Variants in TP63 observed in about 807,000 individuals in gnomAD.
TP63 encodes tumor protein p63.
A neutral mutation model predicts 82.8 loss-of-function variants in TP63; 17 were observed. The observed-to-expected ratio is 0.21, with a 90% confidence interval of 0.14 to 0.31. The LOEUF (loss-of-function observed/expected upper bound fraction) is 0.31, where lower values mean the gene tolerates loss of function less well. Ranked by LOEUF, TP63 falls within the 10% of genes least tolerant of loss-of-function variation. The pLI is 1.00. For missense variants in TP63, 648 were observed against 895.3 expected (o/e 0.72, Z 3.52); for synonymous variants, 330 against 321.7 (o/e 1.03, Z -0.28).
At chr3:189,629,078 T>A (rs1729379018), upstream of TP63, among the ~76,000 whole-genome samples, 2 of 152,136 alleles carry the variant, frequency 1.3e-5, no homozygotes, top group South Asian at 4.1e-4. Context: ...ATAAACCTTT[T>A]AAATTTTTTA....
chr3:189,781,843 A>G (rs12494488), intron 3 of TP63, among the ~76,000 whole-genome samples: 20,434 of 152,222 alleles, frequency 0.13, 1,492 homozygotes, highest in East Asian at 0.32. Flanking sequence ...CATAAGGAGC[A>G]GACATCTGAT....
At chr3:189,712,974 G>C (rs1266811944) in intron 1 of TP63, among the ~76,000 whole-genome samples, 1 of 152,072 alleles carries the variant, frequency 6.6e-6, no homozygotes. Context: ...TTTGGACTTA[G>C]GGGTGCTGGG....
intron 1 of TP63, among the ~76,000 whole-genome samples, chr3:189,720,746 A>AG (rs2108768645): frequency 6.6e-6 from 1 of 151,290 alleles, no homozygotes; most frequent in Admixed American, 6.6e-5. Context: ...GAAAAAAAAA[A>AG]AAAAAAAAAA....
Position 189,869,316 on chromosome 3 carries a change from T to TCCA in TP63, c.1130-4_1130-2dup. On this transcript the variant is annotated splice_polypyrimidine_tract_variant and splice_region_variant and intron_variant, in intron 8 of 13. Transcript: ENST00000264731. Reference sequence around the variant, plus strand: ...CCCAGGATGAAACTTGCATTTTTCCTCCACCAGCGTTTCGTCAGAACACAC... The same window carrying TCCA: ...CCCAGGATGAAACTTGCATTTTTCCTCCACCACCAGCGTTTCGTCAGAACACAC... 1 of 1,613,968 alleles carries TCCA rather than the reference T, an allele frequency of 6.2e-7. No homozygotes were observed.
intron 1 of TP63, among the ~76,000 whole-genome samples, chr3:189,718,649 G>A (rs934754840): frequency 4.6e-5 from 7 of 151,576 alleles, no homozygotes; most frequent in African/African-American, 1.7e-4. Context: ...AGCAGGCTAA[G>A]TGTAAAGACC....
chr3:189,656,869 A>G (rs1029394129), intron 1 of TP63, among the ~76,000 whole-genome samples: 5 of 152,132 alleles, frequency 3.3e-5, no homozygotes, highest in African/African-American at 7.2e-5. Context: ...GGGAAAATAG[A>G]CAACTTTATT....
chr3:189,708,169 C>G (rs73892324), intron 1 of TP63, among the ~76,000 whole-genome samples: 2,052 of 152,196 alleles, frequency 0.013, 48 homozygotes, highest in African/African-American at 0.047. Flanking sequence ...CTTGACAATA[C>G]CTAAGCTTAA....
At chr3:189,827,285 T>G (rs9882798) in intron 4 of TP63, among the ~76,000 whole-genome samples, 7 of 152,140 alleles carry the variant, frequency 4.6e-5, no homozygotes, top group African/African-American at 1.7e-4. Context: ...CCATGCAGAC[T>G]CCTACTTATT....
chr3:189,831,175 A>C (rs548152962), intron 4 of TP63, among the ~76,000 whole-genome samples: 2 of 152,210 alleles, frequency 1.3e-5, no homozygotes. Context: ...ACTATCTGTG[A>C]CAACAACAAA....
At chr3:189,782,286 T>G (rs1385368282) in intron 3 of TP63, among the ~76,000 whole-genome samples, 1 of 152,168 alleles carries the variant, frequency 6.6e-6, no homozygotes, top group African/African-American at 2.4e-5. Flanking sequence ...CAGAAGAGAC[T>G]AACTCAAAAT....
chr3:189,889,128 A>G (rs1720755832), intron 11 of TP63, among the ~76,000 whole-genome samples: 1 of 152,240 alleles, frequency 6.6e-6, no homozygotes, highest in African/African-American at 2.4e-5. Context: ...CGGACAAGGT[A>G]CAAAAGTCAA....
chr3:189,687,114 G>C (rs1716513733), intron 1 of TP63, among the ~76,000 whole-genome samples: 2 of 152,016 alleles, frequency 1.3e-5, no homozygotes, highest in African/African-American at 4.8e-5. Context: ...CTAGATAAGG[G>C]AGAAGTGGTC....
intron 3 of TP63, among the ~76,000 whole-genome samples, chr3:189,748,357 A>C (rs968547698): frequency 2.0e-5 from 3 of 152,072 alleles, no homozygotes; most frequent in African/African-American, 7.2e-5. Flanking sequence ...ACAAAAATCA[A>C]AATACAAAAA....
chr3:189,812,406 C>T (rs766186949), intron 4 of TP63, among the ~76,000 whole-genome samples: 7 of 152,160 alleles, frequency 4.6e-5, no homozygotes, highest in South Asian at 2.1e-4. Flanking sequence ...ACTTTAGTTT[C>T]AGATTTTCTT....
chr3:189,737,705 A>G (rs775129334), intron 1 of TP63, 35 bp from the exon 2 acceptor site: 4 of 1,608,796 alleles, frequency 2.5e-6, no homozygotes, highest in Non-Finnish European at 3.4e-6. Flanking sequence ...TAAATACAGA[A>G]AGTATAATAC....
At chr3:189,819,605 G>A (rs1394523384) in intron 4 of TP63, among the ~76,000 whole-genome samples, 3 of 151,970 alleles carry the variant, frequency 2.0e-5, no homozygotes, top group South Asian at 2.1e-4. Context: ...TAGCTACTTG[G>A]CAAATAAACA....
intron 1 of TP63, among the ~76,000 whole-genome samples, chr3:189,642,538 A>G (rs976016900): frequency 5.3e-5 from 8 of 151,756 alleles, no homozygotes; most frequent in African/African-American, 1.2e-4. Context: ...AACTTAATCT[A>G]TATGTCTATT....
intron 4 of TP63, among the ~76,000 whole-genome samples, chr3:189,840,677 G>A (rs560207984): frequency 6.6e-6 from 1 of 151,784 alleles, no homozygotes; most frequent in African/African-American, 2.4e-5. Context: ...TGGCTAAGAT[G>A]GTGAAACCCG....
intron 1 of TP63, among the ~76,000 whole-genome samples, chr3:189,656,474 AAG>A (rs145789927): frequency 0.01 from 1,536 of 152,280 alleles, 12 homozygotes; most frequent in Non-Finnish European, 0.018. Context: ...AATGAATAAA[AAG>A]AGTTTCAAAC....
Sources: gnomAD v4.1 joint callset for allele counts (sites outside exome capture counted in the v4.1 genomes callset) on GRCh38, gnomAD v4.1.1 for gene constraint, MANE v1.5 for transcripts, NCBI Gene and HGNC (gene_info 2026-07-23, HGNC 2026-07-21) for gene names.